Variants in PPARGC1A observed in about 807,000 individuals in gnomAD.
PPARGC1A encodes PPARG coactivator 1 alpha.
In PPARGC1A, 25 loss-of-function variants were observed where a neutral mutation model predicts 88.7. The observed-to-expected ratio is 0.28, with a 90% CI of 0.21 to 0.39. The LOEUF (loss-of-function observed/expected upper bound fraction) is 0.39, where lower values mean the gene tolerates loss of function less well. PPARGC1A is among the 10% of genes least tolerant of loss of function. The probability of loss-of-function intolerance (pLI) is 1.00; values close to 1 mark genes in which losing one functional copy is unlikely to be tolerated. For synonymous variants in PPARGC1A, 363 were observed against 355.6 expected, an observed-to-expected ratio of 1.02 and a Z score of -0.24; for missense variants, 880 against 968.7, an observed-to-expected ratio of 0.91 and a Z score of 1.22.
the PPARGC1A span, among the ~76,000 whole-genome samples, chr4:24,054,363 G>A: frequency 2.0e-5 from 3 of 151,112 alleles, no homozygotes; most frequent in Non-Finnish European, 4.4e-5. Flanking sequence ...TTTGTCAGAG[G>A]AAGTAACCCA....
At chr4:23,980,607 G>A in the PPARGC1A span, among the ~76,000 whole-genome samples, 4 of 152,172 alleles carry the variant, frequency 2.6e-5, no homozygotes, top group African/African-American at 9.7e-5. Flanking sequence ...TCCAGGAAGA[G>A]TAGAGCATCA....
chr4:23,967,704 C>G, the PPARGC1A span, among the ~76,000 whole-genome samples: 1,603 of 152,056 alleles, frequency 0.011, 30 homozygotes, highest in African/African-American at 0.036. Flanking sequence ...TTTTCTTTTC[C>G]TTTCTTTCTT....
At chr4:24,401,079 C>T in the PPARGC1A span, among the ~76,000 whole-genome samples, 6 of 126,352 alleles carry the variant, frequency 4.7e-5, no homozygotes, top group East Asian at 7.6e-4. Context: ...AGTGCAGTGG[C>T]GCGATCTTGG....
chr4:23,921,579 A>C, the PPARGC1A span, among the ~76,000 whole-genome samples: 1 of 152,176 alleles, frequency 6.6e-6, no homozygotes, highest in East Asian at 1.9e-4. Flanking sequence ...ACTGGCGACA[A>C]TAGAACTGTC....
chr4:24,448,268 C>A, the PPARGC1A span, among the ~76,000 whole-genome samples: 1 of 152,148 alleles, frequency 6.6e-6, no homozygotes, highest in African/African-American at 2.4e-5. Flanking sequence ...CACTTCCTAC[C>A]AAATACACAG....
chr4:23,971,849 T>C, the PPARGC1A span, among the ~76,000 whole-genome samples: 1 of 152,144 alleles, frequency 6.6e-6, no homozygotes, highest in Non-Finnish European at 1.5e-5. Flanking sequence ...AAAGATCCTC[T>C]CCCTAAAAGA....
chr4:24,109,396 G>T, the PPARGC1A span, among the ~76,000 whole-genome samples: 2 of 151,938 alleles, frequency 1.3e-5, no homozygotes. Context: ...TGTGGATTGG[G>T]GGTTGTGGGT....
the PPARGC1A span, among the ~76,000 whole-genome samples, chr4:23,952,042 T>G: frequency 1.2e-3 from 183 of 152,194 alleles, 1 homozygote; most frequent in Non-Finnish European, 2.0e-3. Flanking sequence ...ACTCTGTGTG[T>G]TCTCTTCCTT....
the PPARGC1A span, among the ~76,000 whole-genome samples, chr4:24,227,653 G>A: frequency 6.6e-6 from 1 of 152,206 alleles, no homozygotes; most frequent in Non-Finnish European, 1.5e-5. Flanking sequence ...ACAGAGGATT[G>A]TTTATCCAGG....
the PPARGC1A span, among the ~76,000 whole-genome samples, chr4:24,208,431 G>A: frequency 1.3e-5 from 2 of 152,194 alleles, no homozygotes; most frequent in African/African-American, 2.4e-5. Context: ...AAGTGGACAG[G>A]AGAACTTCTA....
chr4:24,137,995 C>T, the PPARGC1A span, among the ~76,000 whole-genome samples: 2 of 152,146 alleles, frequency 1.3e-5, no homozygotes, highest in Non-Finnish European at 2.9e-5. Context: ...TATGGATTGT[C>T]ATGCGAGCCC....
the PPARGC1A span, among the ~76,000 whole-genome samples, chr4:24,276,044 C>A: frequency 3.3e-5 from 5 of 152,154 alleles, no homozygotes; most frequent in Non-Finnish European, 7.3e-5. Context: ...ACAAAGTGAT[C>A]GTTACACCCT....
the PPARGC1A span, among the ~76,000 whole-genome samples, chr4:24,087,677 G>A: frequency 6.6e-6 from 1 of 152,234 alleles, no homozygotes; most frequent in Admixed American, 6.5e-5. Context: ...CTCCCTGGTG[G>A]CATAAGCCAC....
the PPARGC1A span, among the ~76,000 whole-genome samples, chr4:24,180,157 T>A: frequency 6.6e-6 from 1 of 152,324 alleles, no homozygotes; most frequent in Admixed American, 6.5e-5. Context: ...ATAACATGTA[T>A]AACATTACAT....
chr4:24,356,449 C>T, the PPARGC1A span, among the ~76,000 whole-genome samples: 1 of 152,204 alleles, frequency 6.6e-6, no homozygotes, highest in Non-Finnish European at 1.5e-5. Context: ...CCACTATATA[C>T]ACCTGTAAGT....
chr4:24,035,652 T>G, the PPARGC1A span, among the ~76,000 whole-genome samples: 1 of 152,132 alleles, frequency 6.6e-6, no homozygotes, highest in Non-Finnish European at 1.5e-5. Context: ...AACCAATGTT[T>G]CCCAAATTAT....
At chr4:24,225,307 C>T in the PPARGC1A span, among the ~76,000 whole-genome samples, 2 of 152,138 alleles carry the variant, frequency 1.3e-5, no homozygotes, top group Non-Finnish European at 1.5e-5. Flanking sequence ...CGGTGGCTCA[C>T]GCCTCTAATC....
intron 2 of PPARGC1A, among the ~76,000 whole-genome samples, chr4:23,852,941 T>C (rs932703255): frequency 6.6e-6 from 1 of 152,182 alleles, no homozygotes; most frequent in East Asian, 1.9e-4. Flanking sequence ...AAAAAAACTA[T>C]AATGCACTTT....
At chr4:24,403,869 A>ATTT in the PPARGC1A span, among the ~76,000 whole-genome samples, 1 of 152,208 alleles carries the variant, frequency 6.6e-6, no homozygotes, top group Admixed American at 6.5e-5. Context: ...AGAAGAATCT[A>ATTT]GACACAGCAC....
Sources: allele counts gnomAD v4.1 joint callset (sites outside exome capture counted in the v4.1 genomes callset), GRCh38; gene constraint gnomAD v4.1.1; transcripts MANE v1.5; gene names NCBI Gene and HGNC (gene_info 2026-07-23, HGNC 2026-07-21).